Variants in IL3RA observed in about 807,000 individuals in gnomAD.
IL3RA encodes the protein interleukin-3 receptor subunit alpha.
In IL3RA, 73 loss-of-function variants were observed where a neutral mutation model predicts 52.3. That is an observed-to-expected ratio of 1.40 (90% CI 1.16 to 1.70). The LOEUF is 1.70. Among genes scored for constraint, IL3RA ranks in the 40% most tolerant of loss-of-function variants. The probability of loss-of-function intolerance (pLI) is 0.00; values close to 1 mark genes in which losing one functional copy is unlikely to be tolerated. For missense variants in IL3RA, 664 were observed against 504.4 expected, an observed-to-expected ratio of 1.32 and a Z score of -3.03; for synonymous variants, 260 against 194.0, an observed-to-expected ratio of 1.34 and a Z score of -2.83.
Position 1,346,943 on chromosome X carries a change from C to T in IL3RA, c.184-1488C>T, listed in dbSNP as rs763419072. ...CAGCTCCAAATACAGTCCCATTGAA[C>T]TTTGTGATTTTGGAGAGTAGAGATA... On this transcript the variant is annotated intron_variant, in intron 3 of 11. Coordinates refer to ENST00000331035, the MANE Select transcript of IL3RA (RefSeq NM_002183.4). Among the ~76,000 whole-genome samples, 5 of 151,300 alleles carry T rather than the reference C, an allele frequency of 3.3e-5. No individual in the cohort carries two copies. In the South Asian group the frequency reaches 1.0e-3, roughly 31 times the overall value.
intron 1 of IL3RA, among the ~76,000 whole-genome samples, chrX:1,339,569 G>A (rs2085408488): frequency 6.6e-6 from 1 of 152,150 alleles, no homozygotes; most frequent in South Asian, 2.1e-4. Flanking sequence ...CAAGGCGGGT[G>A]GATCATGAGG....
At chrX:1,377,700 C>T (rs2088875003) in intron 9 of IL3RA, among the ~76,000 whole-genome samples, 1 of 139,876 alleles carries the variant, frequency 7.1e-6, no homozygotes, top group South Asian at 2.3e-4. Flanking sequence ...GAGTCTCTCT[C>T]TATTGCCCAG....
intron 10 of IL3RA, among the ~76,000 whole-genome samples, chrX:1,380,248 G>A (rs758248521): frequency 4.1e-4 from 62 of 149,512 alleles, no homozygotes; most frequent in African/African-American, 1.4e-3. Context: ...GGCTGTTCTC[G>A]AACTCCTGAC....
At chrX:1,367,710 G>GGGGTGAGCC (rs2088240605) in intron 9 of IL3RA, among the ~76,000 whole-genome samples, 2 of 114,102 alleles carry the variant, frequency 1.8e-5, no homozygotes, top group African/African-American at 6.8e-5. Flanking sequence ...CCGGGTGCGC[G>GGGGTGAGCC]GGGTGAGCGG....
intron 2 of IL3RA, among the ~76,000 whole-genome samples, chrX:1,345,008 A>AC (rs1430971511): frequency 1.6e-5 from 1 of 62,512 alleles, no homozygotes; most frequent in Non-Finnish European, 3.3e-5. Context: ...TAAAAATACA[A>AC]AAAAAAAAAA....
intron 9 of IL3RA, among the ~76,000 whole-genome samples, chrX:1,366,564 T>G (rs2088066359): frequency 3.0e-5 from 1 of 33,228 alleles, no homozygotes; most frequent in African/African-American, 2.8e-4. Context: ...GTGCGCGGGG[T>G]GAGCCGGGTG....
intron 4 of IL3RA, among the ~76,000 whole-genome samples, chrX:1,348,975 C>A (rs1490328105): frequency 6.7e-6 from 1 of 149,032 alleles, no homozygotes; most frequent in Non-Finnish European, 1.5e-5. Flanking sequence ...CTCTCTCTCT[C>A]TTTCTCTCTT....
chrX:1,373,822 G>C (rs2088614034), intron 9 of IL3RA, among the ~76,000 whole-genome samples: 1 of 70,206 alleles, frequency 1.4e-5, no homozygotes, highest in Non-Finnish European at 2.4e-5. Flanking sequence ...CACACACGGA[G>C]GAACAACCCT....
chrX:1,356,972 G>A (rs1263613692), intron 7 of IL3RA, among the ~76,000 whole-genome samples: 2 of 151,866 alleles, frequency 1.3e-5, no homozygotes, highest in African/African-American at 4.8e-5. Flanking sequence ...TTTATTTATT[G>A]AGCCACTCTG....
chrX:1,349,423 G>A (rs1443270309), intron 4 of IL3RA, among the ~76,000 whole-genome samples: 1 of 151,674 alleles, frequency 6.6e-6, no homozygotes, highest in Non-Finnish European at 1.5e-5. Context: ...TTCGTGATCT[G>A]CCCGCCTCGG....
At chrX:1,378,604 C>T in intron 9 of IL3RA, 55 bp from the exon 10 acceptor site, 6 of 1,472,522 alleles carry the variant, frequency 4.1e-6, no homozygotes, top group Non-Finnish European at 5.6e-6. Context: ...GCTTACAGTC[C>T]CTGGTCCCCC....
intron 8 of IL3RA, among the ~76,000 whole-genome samples, chrX:1,361,785 C>T (rs1434169713): frequency 6.7e-6 from 1 of 149,808 alleles, no homozygotes; most frequent in Non-Finnish European, 1.5e-5. Flanking sequence ...AAATGAGAGC[C>T]GAGAGAAAGG....
rs371447723 is a variant in IL3RA, at chrX:1,338,336, A to G, written c.-39+1410A>G. On this transcript the variant is annotated intron_variant, in intron 1 of 11. Coordinates refer to ENST00000331035, the MANE Select transcript of IL3RA (RefSeq NM_002183.4). ...ACAAGCAGCTTTATTCACAATAGCC[A>G]AGAGGTGGAGACAGCCCTCATACCC... 5.1e-4 allele frequency among the ~76,000 whole-genome samples: 77 copies of G among 152,256 alleles called. No individual in the cohort carries two copies. The East Asian group carries it at 0.01, about 21-fold the overall frequency.
chrX:1,349,101 G>C (rs1445822716), intron 4 of IL3RA, among the ~76,000 whole-genome samples: 1 of 151,176 alleles, frequency 6.6e-6, no homozygotes, highest in African/African-American at 2.4e-5. Flanking sequence ...TTCACCTCCT[G>C]AGCTCAAACA....
intron 1 of IL3RA, among the ~76,000 whole-genome samples, chrX:1,337,213 T>C (rs2085351038): frequency 6.6e-6 from 1 of 152,190 alleles, no homozygotes; most frequent in African/African-American, 2.4e-5. Context: ...TAGGAGTAAT[T>C]TGACAGTGCT....
In IL3RA at chrX:1,382,489, G is replaced by T. The variant is rs2089228892; in HGVS notation, c.*24G>T. 6.2e-7 allele frequency: 1 copy of T among 1,609,922 alleles called. No homozygotes were observed. The highest frequency in any genetic ancestry group is 8.5e-7 in the Non-Finnish European group (1 of 1,176,456). On this transcript the variant is annotated 3_prime_UTR_variant, in exon 12 of 12. Transcript: ENST00000331035. ...GAGACTGGGGTTCAGGGCTTGTGGG[G>T]GTCTGCCTCAATCTCCCTGGCCGGG...
At chrX:1,338,327 A>G (rs1218301115) in intron 1 of IL3RA, among the ~76,000 whole-genome samples, 1 of 152,072 alleles carries the variant, frequency 6.6e-6, no homozygotes, top group Non-Finnish European at 1.5e-5. Context: ...AGCTTTATTC[A>G]CAATAGCCAA....
intron 2 of IL3RA, among the ~76,000 whole-genome samples, chrX:1,344,158 G>T (rs2085623073): frequency 6.6e-6 from 1 of 152,078 alleles, no homozygotes; most frequent in Non-Finnish European, 1.5e-5. Context: ...TCCCAGCCAG[G>T]CTCAGTAACT....
At chrX:1,349,626 T>A (rs6603269) in intron 4 of IL3RA, among the ~76,000 whole-genome samples, 1 of 151,704 alleles carries the variant, frequency 6.6e-6, no homozygotes, top group South Asian at 2.1e-4. Context: ...CTTTGTTTTT[T>A]AATTAATTAG....
Sources: allele counts gnomAD v4.1 joint callset (sites outside exome capture counted in the v4.1 genomes callset), GRCh38; gene constraint gnomAD v4.1.1; transcripts MANE v1.5; gene names NCBI Gene and HGNC (gene_info 2026-07-23, HGNC 2026-07-21).